The following PRKAG3 variants were observed in gnomAD, a reference collection of about 807,000 sequenced individuals.
The protein encoded by PRKAG3 is 5'-AMP-activated protein kinase subunit gamma-3.
Under a neutral mutation model 56.5 loss-of-function variants are expected in PRKAG3, and 39 were observed. The observed-to-expected ratio is 0.69, with a 90% confidence interval of 0.53 to 0.90. The LOEUF (loss-of-function observed/expected upper bound fraction) is 0.90, where lower values mean the gene tolerates loss of function less well. Ranked by LOEUF, PRKAG3 falls within the 40% of genes least tolerant of loss-of-function variation. The pLI, the probability that PRKAG3 is intolerant of heterozygous loss-of-function variation, is 0.00. For synonymous variants in PRKAG3, 243 were observed against 250.1 expected (o/e 0.97, Z 0.27); for missense variants, 628 against 627.5 (o/e 1.00, Z -0.01).
rs769871981 is a variant in PRKAG3, at chr2:218,827,269, A to G, written c.980T>C (p.Leu327Pro). ...TACAAAGATGTGCAGGAACTTGAGC[A>G]GGCGTTTGTGTGTGAGGATGTGGAG... The change falls in exon 9 of 13, where the codon CTG becomes CCG. Residue 327 changes from leucine (L) to proline (P), a missense_variant. Leu to Pro is a moderately conservative substitution (Grantham distance 98, BLOSUM62 -3). Coordinates refer to ENST00000529249, the Ensembl canonical transcript of PRKAG3. This position sits in a 1 kb window ranked among gnomAD's most constrained non-coding sequence, Gnocchi z 5.3. The G allele has an allele frequency of 1.2e-6, 2 of 1,614,190 alleles. No homozygotes were observed. The highest frequency in any genetic ancestry group is 1.7e-5 in the Admixed American group (1 of 60,026).
exon 4 of PRKAG3, chr2:218,830,048 A>G (rs1294511654): frequency 5.0e-6 from 8 of 1,613,946 alleles, no homozygotes; most frequent in Non-Finnish European, 6.8e-6. Flanking sequence ...GTGCTCCTGC[A>G]TGAAGCGCAT....
exon 10 of PRKAG3, chr2:218,826,944 A>T (rs1349405182): frequency 6.2e-7 from 1 of 1,614,140 alleles, no homozygotes; most frequent in East Asian, 2.2e-5. Flanking sequence ...CGTTGACCAC[A>T]GGCAGTGCAG....
rs200455339 is a variant in PRKAG3, at chr2:218,830,123, G to A, written c.488C>T (p.Pro163Leu). Residue 163 changes from proline (P) to leucine (L), a missense_variant, in exon 4 of 13, where the codon CCG (proline) becomes CTG (leucine). Coordinates refer to ENST00000529249, the Ensembl canonical transcript of PRKAG3. ...GCCCAGCTTGGGAAATGGGGCCTGCGGGGACAGGCACAGGGCAGGCCTCTC... is the reference window on the plus strand; with the variant it reads ...GCCCAGCTTGGGAAATGGGGCCTGCAGGGACAGGCACAGGGCAGGCCTCTC... 6.9e-5 allele frequency: 111 copies of A among 1,613,232 alleles called. No homozygotes were observed. The highest frequency in any genetic ancestry group is 8.6e-5 in the Non-Finnish European group (102 of 1,179,418).
At chr2:218,828,148 G>A (rs1320167710) in intron 5 of PRKAG3, 86 bp from the exon 6 acceptor site, 2 of 1,256,516 alleles carry the variant, frequency 1.6e-6, no homozygotes, top group Non-Finnish European at 1.1e-6. Context: ...CACCCTGCCA[G>A]TGTCCTTGTG....
chr2:218,823,828 G>C (rs576270016), exon 13 of PRKAG3: 1 of 1,614,148 alleles, frequency 6.2e-7, no homozygotes, highest in Admixed American at 1.7e-5. Flanking sequence ...CGGAGAGGGA[G>C]ACCACGCCCA....
chr2:218,830,707 C>T (rs1944008392), intron 3 of PRKAG3, 39 bp downstream of exon 3: 3 of 1,602,660 alleles, frequency 1.9e-6, no homozygotes, highest in Non-Finnish European at 2.6e-6. Context: ...TTTCCCACTC[C>T]CCTGGCTCCC....
rs979812715 is a variant in PRKAG3, at chr2:218,830,513, G to A, written c.230-132C>T. ...TGGCCCTATTTGCAGGTGAGGGGCT[G>A]ACCTGAGAGTCGCCCCAGGTAGTGG... On this transcript the variant is annotated intron_variant, in intron 3 of 12. Transcript: ENST00000529249. The A allele has an allele frequency of 8.7e-6, 11 of 1,268,072 alleles. No individual in the cohort carries two copies. The African/African-American group carries it at 1.2e-4, about 14-fold the overall frequency. 78.6% of individuals were successfully genotyped at this position (1,268,072 alleles called of 1,614,324 possible).
chr2:218,825,211 C>T (rs1296476084), intron 10 of PRKAG3, among the ~76,000 whole-genome samples: 2 of 151,736 alleles, frequency 1.3e-5, no homozygotes, highest in Non-Finnish European at 2.9e-5. Flanking sequence ...TGGCACGCAC[C>T]TGTAAACCCA....
At chr2:218,830,761 G>T (rs200176905) in exon 3 of PRKAG3, 22 of 1,612,414 alleles carry the variant, frequency 1.4e-5, no homozygotes, top group Non-Finnish European at 1.9e-5. Context: ...CCCTGACCTG[G>T]TGGCTCCCCT....
chr2:218,824,673 T>C, intron 10 of PRKAG3, 97 bp from the exon 11 acceptor site: 1 of 1,106,788 alleles, frequency 9.0e-7, no homozygotes, highest in East Asian at 2.4e-5. Flanking sequence ...GCTATTTGCA[T>C]CAGGGTGCCA....
rs1943946852 is a variant in PRKAG3, at chr2:218,827,268, C to T, written c.981G>A (p.Leu327=). 6.2e-7 allele frequency: 1 copy of T among 1,614,086 alleles called. No homozygotes were observed. Residue 327 remains leucine (L), a synonymous_variant, in exon 9 of 13, where the codon CTG becomes CTA. Coordinates refer to ENST00000529249, the Ensembl canonical transcript of PRKAG3. The surrounding 1 kb of genome is among the most constrained non-coding windows in gnomAD (Gnocchi z 5.3). ...TTACAAAGATGTGCAGGAACTTGAGCAGGCGTTTGTGTGTGAGGATGTGGA... is the reference window on the plus strand; with the variant it reads ...TTACAAAGATGTGCAGGAACTTGAGTAGGCGTTTGTGTGTGAGGATGTGGA...
At position 218,831,221 on chromosome 2, in the gene PRKAG3, A is replaced by G. The variant is rs998675623; in HGVS notation, c.73+115T>C. The G allele has an allele frequency of 1.6e-5, 13 of 837,766 alleles. No individual in the cohort carries two copies. In the African/African-American group the frequency reaches 2.2e-4, roughly 14 times the overall value. The allele number at this position is 837,766 out of a possible 1,614,324, so 51.9% of individuals were successfully genotyped here. A position where few individuals can be genotyped will look rare whatever the true frequency, so the allele number is the denominator to read the frequency against. On this transcript the variant is annotated intron_variant, in intron 2 of 12. Transcript: ENST00000529249. ...AAGGAGGAAGAACAATGAGGAAGAAAGACCAAAAGGAGGAAGATAAAAGCC... is the reference window on the plus strand; with the variant it reads ...AAGGAGGAAGAACAATGAGGAAGAAGGACCAAAAGGAGGAAGATAAAAGCC...
rs570196271 is a variant in PRKAG3 at position 218,830,070 on chromosome 2, C to G, written c.541G>C (p.Ala181Pro). The change falls in exon 4 of 13, where the codon GCC becomes CCC. Residue 181 changes from alanine (A) to proline (P), a missense_variant. Coordinates refer to ENST00000529249, the Ensembl canonical transcript of PRKAG3. ...TGCATGAAGCGCATGTAGATCTGGG[C>G]GCCGGGTTTCCGCAGTTCGTCATCC... The G allele has an allele frequency of 2.0e-5, 32 of 1,613,008 alleles. No individual in the cohort carries two copies. In the South Asian group the frequency reaches 2.2e-4, roughly 11 times the overall value.
Position 218,827,491 on chromosome 2 carries a change from G to T in PRKAG3, c.875+84C>A. ...CCCTTGTCTGTGTGCCGCCTAGGATGAAGAGGTGAGTTCAGAGCTGAGTGG... is the reference window on the plus strand; with the variant it reads ...CCCTTGTCTGTGTGCCGCCTAGGATTAAGAGGTGAGTTCAGAGCTGAGTGG... On this transcript the variant is annotated intron_variant, in intron 8 of 12. Coordinates refer to ENST00000529249, the Ensembl canonical transcript of PRKAG3. This position sits in a 1 kb window ranked among gnomAD's most constrained non-coding sequence, Gnocchi z 5.3. The T allele has an allele frequency of 6.2e-7, 1 of 1,600,214 alleles. No individual in the cohort carries two copies. The highest frequency in any genetic ancestry group is 1.1e-5 in the South Asian group (1 of 90,584).
At position 218,823,884 on chromosome 2, in the gene PRKAG3, G is replaced by A; in HGVS notation, c.1354-6C>T. On this transcript the variant is annotated splice_region_variant and splice_polypyrimidine_tract_variant and intron_variant, in intron 12 of 12. Transcript: ENST00000529249. ...ACTAGCACCAGCCTGTGTACCTGTG[G>A]GTCCGCAATGTTCAGTGAGGGGGCA... The A allele has an allele frequency of 6.2e-7, 1 of 1,613,356 alleles. No homozygotes were observed. Among genetic ancestry groups the A allele is most frequent in the South Asian group, 1.1e-5 (1 of 91,076 alleles).
intron 4 of PRKAG3, 34 bp downstream of exon 4, chr2:218,829,944 A>C (rs1943993680): frequency 6.2e-7 from 1 of 1,602,168 alleles, no homozygotes; most frequent in Non-Finnish European, 8.5e-7. Context: ...GTGGATGGAG[A>C]GTGAGTACAG....
intron 5 of PRKAG3, 79 bp from the exon 6 acceptor site, chr2:218,828,141 C>T (rs1575212245): frequency 7.7e-7 from 1 of 1,295,164 alleles, no homozygotes; most frequent in Non-Finnish European, 1.1e-6. Context: ...CCCTCCCCAC[C>T]CTGCCAGTGT....
intron 10 of PRKAG3, among the ~76,000 whole-genome samples, chr2:218,825,692 G>T (rs1943921901): frequency 6.6e-6 from 1 of 151,710 alleles, no homozygotes; most frequent in African/African-American, 2.4e-5. Flanking sequence ...AAATGGAGAA[G>T]TGAGAATAAG....
In PRKAG3 at chr2:218,827,790, C is replaced by T. The variant is rs1178044394; in HGVS notation, c.820+43G>A. 1 of 1,519,318 alleles carries T rather than the reference C, an allele frequency of 6.6e-7. No homozygotes were observed. The highest frequency in any genetic ancestry group is 8.8e-7 in the Non-Finnish European group (1 of 1,137,688). The allele number at this position is 1,519,318 out of a possible 1,614,324, so 94.1% of individuals were successfully genotyped here. A position where few individuals can be genotyped will look rare whatever the true frequency, so the allele number is the denominator to read the frequency against. On this transcript the variant is annotated intron_variant, in intron 7 of 12. Transcript: ENST00000529249. This position sits in a 1 kb window ranked among gnomAD's most constrained non-coding sequence, Gnocchi z 5.3. ...CCATCCTCCACCTTAAGCCCTGGCC[C>T]ACCATCACCAACAGCCCTTTCCGGG...
Sources: allele counts gnomAD v4.1 joint callset (sites outside exome capture counted in the v4.1 genomes callset), GRCh38; gene constraint gnomAD v4.1.1; non-coding constraint Gnocchi (gnomAD v3.1); transcripts MANE v1.5; gene names NCBI Gene and HGNC (gene_info 2026-07-23, HGNC 2026-07-21).